Variants in RFX2 observed in about 807,000 individuals in gnomAD.
The protein encoded by RFX2 is regulatory factor X2, also known as DNA-binding protein RFX2.
A neutral mutation model predicts 87.8 loss-of-function variants in RFX2; 20 were observed. The ratio of observed to expected loss-of-function variants is 0.23; its 90% CI spans 0.16 to 0.33. The LOEUF (loss-of-function observed/expected upper bound fraction) is 0.33, where lower values mean the gene tolerates loss of function less well. Among genes scored for constraint, RFX2 ranks in the 10% least tolerant of loss-of-function variants. The probability of loss-of-function intolerance (pLI) is 1.00; values close to 1 mark genes in which losing one functional copy is unlikely to be tolerated. For missense variants in RFX2, 767 were observed against 1,012.3 expected, an observed-to-expected ratio of 0.76 and a Z score of 3.29; for synonymous variants, 397 against 431.3, an observed-to-expected ratio of 0.92 and a Z score of 0.98.
chr19:6,025,069 C>T (rs1347156504), intron 6 of RFX2, among the ~76,000 whole-genome samples: 1 of 152,204 alleles, frequency 6.6e-6, no homozygotes, highest in Non-Finnish European at 1.5e-5. Flanking sequence ...TAGAGAGCAA[C>T]TACTAGAAGG....
Position 6,044,476 on chromosome 19 carries a change from G to A in RFX2, c.91-194C>T, listed in dbSNP as rs1480530136. On this transcript the variant is annotated intron_variant, in intron 2 of 17. Coordinates refer to ENST00000303657, the MANE Select transcript of RFX2 (RefSeq NM_000635.4). This position sits in a 1 kb window ranked among gnomAD's most constrained non-coding sequence, Gnocchi z 5.3. ...ACCTGGGCAGACACACGGCAGGTAC[G>A]TGCAGGCACACAAACAATGCACATA... Among the ~76,000 whole-genome samples, 3 of 152,226 alleles carry A rather than the reference G, an allele frequency of 2.0e-5. No homozygotes were observed. Among genetic ancestry groups the A allele is most frequent in the East Asian group, 1.9e-4 (1 of 5,198 alleles).
chr19:5,995,717 G>C, intron 16 of RFX2, 74 bp from the exon 17 acceptor site: 1 of 1,353,730 alleles, frequency 7.4e-7, no homozygotes, highest in Non-Finnish European at 1.0e-6. Context: ...GGGGGATGCC[G>C]GCCCAACCTT....
At chr19:6,066,035 C>T in intron 1 of RFX2, among the ~76,000 whole-genome samples, 1 of 152,132 alleles carries the variant, frequency 6.6e-6, no homozygotes, top group Non-Finnish European at 1.5e-5. Context: ...GTGTCACCCG[C>T]TCTGAATGAA....
chr19:6,048,593 G>A (rs55923207), intron 1 of RFX2, among the ~76,000 whole-genome samples: 5,901 of 152,176 alleles, frequency 0.039, 278 homozygotes, highest in African/African-American at 0.11. Context: ...TGCTGGGGGT[G>A]GTGAGGACTG....
chr19:6,042,191 C>T, intron 3 of RFX2, 68 bp from the exon 4 acceptor site: 1 of 1,352,834 alleles, frequency 7.4e-7, no homozygotes, highest in Non-Finnish European at 1.1e-6. Context: ...ATTATTCAAG[C>T]TAGACGTGTC....
Position 6,020,838 on chromosome 19 carries a change from A to G in RFX2, c.598-4567T>C, listed in dbSNP as rs1194890878. 2.6e-5 allele frequency among the ~76,000 whole-genome samples: 4 copies of G among 152,232 alleles called. No homozygotes were observed. Among genetic ancestry groups the G allele is most frequent in the Non-Finnish European group, 5.9e-5 (4 of 68,036 alleles). ...AACACAAATAAGCAGAACGCTTTCC[A>G]AGGAAATGTACATGTGTACCCACAT... is the stretch of plus-strand genomic sequence containing the variant. On this transcript the variant is annotated intron_variant, in intron 6 of 17. Transcript: ENST00000303657. The surrounding 1 kb of genome is among the most constrained non-coding windows in gnomAD (Gnocchi z 5.3).
At position 5,997,363 on chromosome 19, in the gene RFX2, G is replaced by GGGGCTGAC; in HGVS notation, c.1860-158_1860-151dup. On this transcript the variant is annotated intron_variant, in intron 15 of 17. Transcript: ENST00000303657. The surrounding 1 kb of genome is among the most constrained non-coding windows in gnomAD (Gnocchi z 4.2). Reference sequence around the variant, plus strand: ...ATCCTAAGACGTGCAGGCCTACGCGGGGGCTGACGGGCTGCCGAGACCCTG... The same window carrying GGGGCTGAC: ...ATCCTAAGACGTGCAGGCCTACGCGGGGGCTGACGGGCTGACGGGCTGCCGAGACCCTG... 2 of 891,150 alleles carry GGGGCTGAC rather than the reference G, an allele frequency of 2.2e-6. No individual in the cohort carries two copies. The allele number at this position is 891,150 out of a possible 1,614,324, so 55.2% of individuals were successfully genotyped here.
chr19:6,100,690 G>A (rs1352896439), intron 1 of RFX2, among the ~76,000 whole-genome samples: 1 of 152,160 alleles, frequency 6.6e-6, no homozygotes, highest in Non-Finnish European at 1.5e-5. Flanking sequence ...CGGCCCAGCC[G>A]CTGCTACTGA....
rs552525615 is a variant in RFX2, at chr19:5,999,331, C to T, written c.1860-2118G>A. On this transcript the variant is annotated intron_variant, in intron 15 of 17. Coordinates refer to ENST00000303657, the MANE Select transcript of RFX2 (RefSeq NM_000635.4). This position sits in a 1 kb window ranked among gnomAD's most constrained non-coding sequence, Gnocchi z 4.1. ...GTGAAGAGCACCCCCACCTTGCAGA[C>T]GTGACCCCGATCCCCTCCAGCTCTG... Among the ~76,000 whole-genome samples, 5 of 152,130 alleles carry T rather than the reference C, an allele frequency of 3.3e-5. No individual in the cohort carries two copies. Among genetic ancestry groups the T allele is most frequent in the Admixed American group, 6.6e-5 (1 of 15,266 alleles).
At chr19:6,006,852 A>G (rs1477202693) in intron 12 of RFX2, among the ~76,000 whole-genome samples, 160 bp downstream of exon 12, 3 of 151,094 alleles carry the variant, frequency 2.0e-5, no homozygotes, top group African/African-American at 4.9e-5. Context: ...TCAGCCTCCC[A>G]TAGTGTGGGG....
At chr19:6,034,980 T>A (rs1599870692) in intron 5 of RFX2, among the ~76,000 whole-genome samples, 1 of 152,234 alleles carries the variant, frequency 6.6e-6, no homozygotes, top group African/African-American at 2.4e-5. Flanking sequence ...ATATTTAGCT[T>A]GTTAAACTAA....
At chr19:6,015,420 C>T (rs937708189) in intron 7 of RFX2, among the ~76,000 whole-genome samples, 2 of 151,746 alleles carry the variant, frequency 1.3e-5, no homozygotes, top group African/African-American at 4.8e-5. Context: ...CAGAGCAAGG[C>T]TGTGTCTCAA....
At chr19:6,096,165 T>C (rs935573955) in intron 1 of RFX2, among the ~76,000 whole-genome samples, 4 of 152,230 alleles carry the variant, frequency 2.6e-5, no homozygotes, top group Admixed American at 2.0e-4. Flanking sequence ...AATAAAATAA[T>C]GGCACTTGCG....
In RFX2 at chr19:6,001,732, C is replaced by T. The variant is rs919547179; in HGVS notation, c.1859+83G>A. 5 of 1,261,534 alleles carry T rather than the reference C, an allele frequency of 4.0e-6. No homozygotes were observed. The highest frequency in any genetic ancestry group is 5.5e-6 in the Non-Finnish European group (5 of 914,010). The allele number at this position is 1,261,534 out of a possible 1,614,324, so 78.1% of individuals were successfully genotyped here. On this transcript the variant is annotated intron_variant, in intron 15 of 17. Transcript: ENST00000303657. This position sits in a 1 kb window ranked among gnomAD's most constrained non-coding sequence, Gnocchi z 5.6. ...TGAGCCCTGTTTTGCTCTGAGCTCA[C>T]CAGCCGAGCCCCCTACCCTCTAGAA...
At chr19:6,035,663 G>A (rs922118253) in intron 5 of RFX2, among the ~76,000 whole-genome samples, 1 of 152,120 alleles carries the variant, frequency 6.6e-6, no homozygotes, top group Admixed American at 6.5e-5. Context: ...GTTGGGTCCA[G>A]CAGCTGTATT....
chr19:5,996,028 C>T (rs1258212349), intron 16 of RFX2, among the ~76,000 whole-genome samples: 2 of 152,262 alleles, frequency 1.3e-5, no homozygotes, highest in East Asian at 1.9e-4. Context: ...CCCCAAAGCC[C>T]GGCGTTCACG....
At chr19:6,069,001 T>A (rs1034640733) in intron 1 of RFX2, among the ~76,000 whole-genome samples, 2 of 152,118 alleles carry the variant, frequency 1.3e-5, no homozygotes, top group African/African-American at 4.8e-5. Context: ...GTCAGCCAGA[T>A]CTGCTGACGG....
chr19:6,100,210 G>A (rs2088097288), intron 1 of RFX2, among the ~76,000 whole-genome samples: 1 of 152,200 alleles, frequency 6.6e-6, no homozygotes, highest in South Asian at 2.1e-4. Flanking sequence ...AGCTCATTTG[G>A]AGTAGTGAAA....
At chr19:6,108,269 C>T (rs1053014312) in intron 1 of RFX2, among the ~76,000 whole-genome samples, 1 of 152,158 alleles carries the variant, frequency 6.6e-6, no homozygotes, top group Non-Finnish European at 1.5e-5. Context: ...TCTTACTTCT[C>T]TGGTCAGAGT....
Sources: allele counts gnomAD v4.1 joint callset (sites outside exome capture counted in the v4.1 genomes callset), GRCh38; gene constraint gnomAD v4.1.1; non-coding constraint Gnocchi (gnomAD v3.1); transcripts MANE v1.5; gene names NCBI Gene and HGNC (gene_info 2026-07-23, HGNC 2026-07-21).